Variants in SEMA5B observed in about 807,000 individuals in gnomAD.
The protein encoded by SEMA5B is semaphorin 5B.
SEMA5B carries 66 observed loss-of-function variants against 135.0 expected under a neutral mutation model. The observed-to-expected ratio is 0.49, with a 90% confidence interval of 0.40 to 0.60. SEMA5B has a LOEUF of 0.60. Ranked by LOEUF, SEMA5B falls within the 20% of genes least tolerant of loss-of-function variation. The pLI, the probability that SEMA5B is intolerant of heterozygous loss-of-function variation, is 0.00. For synonymous variants in SEMA5B, 690 were observed against 639.5 expected (o/e 1.08, Z -1.19); for missense variants, 1,501 against 1,566.3 (o/e 0.96, Z 0.70).
At chr3:122,982,621 T>C (rs2107685207) in intron 1 of SEMA5B, among the ~76,000 whole-genome samples, 1 of 152,222 alleles carries the variant, frequency 6.6e-6, no homozygotes, top group Admixed American at 6.5e-5. Context: ...CCTCCTCCTG[T>C]TTCCCCACCA....
intron 1 of SEMA5B, among the ~76,000 whole-genome samples, chr3:122,969,902 T>C (rs1354604046): frequency 6.6e-6 from 1 of 152,164 alleles, no homozygotes; most frequent in Non-Finnish European, 1.5e-5. Context: ...TGCTGGGAAT[T>C]CACAACACTT....
intron 1 of SEMA5B, among the ~76,000 whole-genome samples, chr3:122,968,759 T>C (rs1940984903): frequency 6.6e-6 from 1 of 152,150 alleles, no homozygotes; most frequent in Admixed American, 6.5e-5. Context: ...CTTGGTGACC[T>C]CAGCTGGGTT....
At chr3:122,976,359 C>T (rs530857766) in intron 1 of SEMA5B, among the ~76,000 whole-genome samples, 1 of 152,108 alleles carries the variant, frequency 6.6e-6, no homozygotes, top group South Asian at 2.1e-4. Context: ...AGTTGGGGAA[C>T]CACTGATGTA....
At chr3:122,949,174 T>C (rs1310240584) in intron 2 of SEMA5B, among the ~76,000 whole-genome samples, 1 of 152,180 alleles carries the variant, frequency 6.6e-6, no homozygotes. Context: ...CTTTATATCT[T>C]GGCATGGGAA....
In SEMA5B at chr3:122,922,204, C is replaced by G. The variant is rs2107638442; in HGVS notation, c.1480+36G>C. 3 of 1,589,198 alleles carry G rather than the reference C, an allele frequency of 1.9e-6. No individual in the cohort carries two copies. The South Asian group carries it at 3.4e-5, about 18-fold the overall frequency. The stretch of plus-strand genomic sequence containing the variant: ...CCCCGCGCCGTCCCTCAACCCACCC[C>G]CGACCTGCAGTCCAGGTTGGACCGG... On this transcript the variant is annotated intron_variant, in intron 11 of 22. Transcript: ENST00000357599.
At chr3:122,920,874 T>C (rs947893329) in intron 12 of SEMA5B, among the ~76,000 whole-genome samples, 74 of 152,330 alleles carry the variant, frequency 4.9e-4, no homozygotes, top group African/African-American at 1.8e-3. Context: ...TCTTGCCTTC[T>C]CTCACACCAA....
In SEMA5B at chr3:122,909,723, C is replaced by T. The variant is rs1655027017; in HGVS notation, c.*420G>A. On this transcript the variant is annotated 3_prime_UTR_variant, in exon 23 of 23. Transcript: ENST00000357599. ...AGAGATAATCAGGATGTAGCAAAGGCCTTTTTTGGGGCCAGCTGGAGAAGG... is the reference window on the plus strand; with the variant it reads ...AGAGATAATCAGGATGTAGCAAAGGTCTTTTTTGGGGCCAGCTGGAGAAGG... 1 of 160,880 alleles carries T rather than the reference C, an allele frequency of 6.2e-6. No individual in the cohort carries two copies. The highest frequency in any genetic ancestry group is 6.3e-5 in the Admixed American group (1 of 15,762). The allele number at this position is 160,880 out of a possible 1,614,324, so 10.0% of individuals were successfully genotyped here. A position where few individuals can be genotyped will look rare whatever the true frequency, so the allele number is the denominator to read the frequency against.
intron 12 of SEMA5B, 88 bp downstream of exon 12, chr3:122,921,827 C>G: frequency 8.7e-7 from 1 of 1,155,054 alleles, no homozygotes; most frequent in Non-Finnish European, 1.2e-6. Context: ...CTGCAGGGAC[C>G]GACCCCAGGT....
At chr3:122,928,392 C>T (rs955789077) in intron 7 of SEMA5B, 125 bp downstream of exon 7, 1 of 627,320 alleles carries the variant, frequency 1.6e-6, no homozygotes, top group African/African-American at 1.8e-5. Flanking sequence ...AACTGGGTGT[C>T]CTTTTGTTTC....
intron 1 of SEMA5B, among the ~76,000 whole-genome samples, chr3:122,989,478 C>T (rs1941806477): frequency 6.6e-6 from 1 of 152,224 alleles, no homozygotes; most frequent in East Asian, 1.9e-4. Flanking sequence ...TGATTCCGTG[C>T]CTGGTCTCAT....
chr3:122,957,975 T>A (rs1940408454), intron 2 of SEMA5B, among the ~76,000 whole-genome samples: 1 of 152,228 alleles, frequency 6.6e-6, no homozygotes, highest in African/African-American at 2.4e-5. Context: ...TATAAATTAT[T>A]AAGCTGACTT....
chr3:122,978,075 G>GC (rs1941390326), intron 1 of SEMA5B, among the ~76,000 whole-genome samples: 2 of 152,232 alleles, frequency 1.3e-5, no homozygotes, highest in South Asian at 4.1e-4. Flanking sequence ...AGCCAGTCCT[G>GC]CCCCCAGGCA....
chr3:122,917,016 T>C (rs1466246303), intron 12 of SEMA5B, among the ~76,000 whole-genome samples: 1 of 152,194 alleles, frequency 6.6e-6, no homozygotes, highest in South Asian at 2.1e-4. Context: ...AAAAATCTAA[T>C]CTCCACTAGT....
At chr3:123,002,964 T>C (rs547993306) in intron 1 of SEMA5B, among the ~76,000 whole-genome samples, 1 of 152,186 alleles carries the variant, frequency 6.6e-6, no homozygotes, top group Admixed American at 6.5e-5. Context: ...CAAAAAAAAT[T>C]ACTAGCATCC....
intron 1 of SEMA5B, among the ~76,000 whole-genome samples, chr3:123,020,810 T>A (rs2107829269): frequency 6.6e-6 from 1 of 152,342 alleles, no homozygotes; most frequent in Non-Finnish European, 1.5e-5. Flanking sequence ...CAGTGAATTA[T>A]GTGTTGAGCT....
intron 14 of SEMA5B, among the ~76,000 whole-genome samples, chr3:122,914,759 C>A (rs1163099076): frequency 6.6e-6 from 1 of 152,136 alleles, no homozygotes; most frequent in Non-Finnish European, 1.5e-5. Context: ...TATAGTGAGA[C>A]TCCTGTTTCT....
intron 1 of SEMA5B, among the ~76,000 whole-genome samples, chr3:123,008,255 A>C (rs1297774521): frequency 6.6e-6 from 1 of 152,230 alleles, no homozygotes; most frequent in East Asian, 1.9e-4. Flanking sequence ...TAGCTTCATA[A>C]GGTCTGGCCT....
intron 1 of SEMA5B, among the ~76,000 whole-genome samples, chr3:122,981,521 T>G (rs1464333833): frequency 6.6e-6 from 1 of 152,240 alleles, no homozygotes; most frequent in Non-Finnish European, 1.5e-5. Context: ...GAGTCAGATC[T>G]AACTTCCTAC....
chr3:122,973,990 C>T (rs1347727267), intron 1 of SEMA5B, among the ~76,000 whole-genome samples: 1 of 152,344 alleles, frequency 6.6e-6, no homozygotes, highest in East Asian at 1.9e-4. Flanking sequence ...GGCACAGCCT[C>T]GGGCCGTCTA....
Sources: allele counts gnomAD v4.1 joint callset (sites outside exome capture counted in the v4.1 genomes callset), GRCh38; gene constraint gnomAD v4.1.1; transcripts MANE v1.5; gene names NCBI Gene and HGNC (gene_info 2026-07-23, HGNC 2026-07-21).